Variants in AGBL4 observed in about 807,000 individuals in gnomAD.
AGBL4 encodes cytosolic carboxypeptidase 6.
AGBL4 carries 58 observed loss-of-function variants against 66.4 expected under a neutral mutation model. The observed-to-expected ratio is 0.87, with a 90% CI of 0.71 to 1.09. The LOEUF (loss-of-function observed/expected upper bound fraction) is 1.09. Among genes scored for constraint, AGBL4 ranks in the 50% least tolerant of loss-of-function variants. The pLI is 0.00. For synonymous variants in AGBL4, 234 were observed against 222.9 expected (o/e 1.05, Z -0.44); for missense variants, 579 against 631.0 (o/e 0.92, Z 0.88).
chr1:49,384,871 A>G (rs1644703575), intron 3 of AGBL4, among the ~76,000 whole-genome samples: 1 of 152,194 alleles, frequency 6.6e-6, no homozygotes, highest in Admixed American at 6.5e-5. Context: ...TCCAAAAATA[A>G]TTGAAAGAAG....
At chr1:48,526,953 G>A in the AGBL4 span, among the ~76,000 whole-genome samples, 2 of 152,120 alleles carry the variant, frequency 1.3e-5, no homozygotes, top group Admixed American at 6.5e-5. Flanking sequence ...CTGACTCTAA[G>A]TCTAAAGCAC....
At chr1:49,026,506 A>G (rs964705768) in intron 5 of AGBL4, among the ~76,000 whole-genome samples, 1 of 152,186 alleles carries the variant, frequency 6.6e-6, no homozygotes, top group African/African-American at 2.4e-5. Context: ...AATCAAGGAT[A>G]ATTTTTAGAG....
rs146681387 is a variant in AGBL4 at position 49,315,749 on chromosome 1, A to C, written c.283-69885T>G. Among the ~76,000 whole-genome samples the C allele has an allele frequency of 6.6e-5, 10 of 152,194 alleles. No individual in the cohort carries two copies. The East Asian group carries it at 1.9e-3, about 29-fold the overall frequency. ...TACTCCTACCTATGATCTAGCAGCC[A>C]TGATCCTTGGTATTTACCCAAATGA... On this transcript the variant is annotated intron_variant, in intron 3 of 13. Transcript: ENST00000371839.
chr1:49,306,953 T>C (rs1377975256), intron 3 of AGBL4, among the ~76,000 whole-genome samples: 1 of 152,196 alleles, frequency 6.6e-6, no homozygotes, highest in African/African-American at 2.4e-5. Flanking sequence ...TTAGATCACT[T>C]GCACTAGGGC....
intron 1 of AGBL4, among the ~76,000 whole-genome samples, chr1:49,935,328 G>A (rs908048038): frequency 6.6e-5 from 10 of 152,346 alleles, no homozygotes; most frequent in Admixed American, 2.0e-4. Context: ...CAAAGCAGCC[G>A]GGAAGCTCGA....
chr1:49,012,136 A>G (rs1330408806), intron 5 of AGBL4, among the ~76,000 whole-genome samples: 2 of 152,130 alleles, frequency 1.3e-5, no homozygotes, highest in South Asian at 2.1e-4. Context: ...GGCAGATTAC[A>G]GGGAAGCCTG....
At chr1:48,591,944 T>C (rs912325559) in intron 9 of AGBL4, among the ~76,000 whole-genome samples, 1 of 152,198 alleles carries the variant, frequency 6.6e-6, no homozygotes, top group African/African-American at 2.4e-5. Flanking sequence ...GCAGAATGAT[T>C]GAAGAAACAA....
chr1:49,453,743 A>G (rs1167097556), intron 3 of AGBL4, among the ~76,000 whole-genome samples: 1 of 151,816 alleles, frequency 6.6e-6, no homozygotes, highest in East Asian at 1.9e-4. Context: ...TTTTACATAG[A>G]ATCAGAGAGG....
chr1:49,079,875 C>T (rs561452362), intron 4 of AGBL4, among the ~76,000 whole-genome samples: 1 of 152,322 alleles, frequency 6.6e-6, no homozygotes, highest in East Asian at 1.9e-4. Flanking sequence ...GTCACTGACA[C>T]ATTTGCCAAA....
chr1:49,593,502 T>TA (rs1644794288), intron 3 of AGBL4, among the ~76,000 whole-genome samples: 1 of 152,168 alleles, frequency 6.6e-6, no homozygotes, highest in Admixed American at 6.5e-5. Flanking sequence ...TTCAATAAAT[T>TA]GTAGCACATT....
chr1:49,015,265 T>A (rs765220130), intron 5 of AGBL4, among the ~76,000 whole-genome samples: 11 of 151,996 alleles, frequency 7.2e-5, no homozygotes, highest in Non-Finnish European at 1.5e-4. Flanking sequence ...TTTCCCCTCA[T>A]CTTTCCGCTA....
At chr1:49,505,723 G>T (rs1294041137) in intron 3 of AGBL4, among the ~76,000 whole-genome samples, 1 of 151,872 alleles carries the variant, frequency 6.6e-6, no homozygotes, top group African/African-American at 2.4e-5. Context: ...TGTTTGGATT[G>T]AGTCTGCTTG....
chr1:49,034,690 G>A (rs768767340), intron 5 of AGBL4, among the ~76,000 whole-genome samples: 1 of 152,024 alleles, frequency 6.6e-6, no homozygotes, highest in African/African-American at 2.4e-5. Flanking sequence ...AGGTGTGATG[G>A]TTTTATAAGG....
rs1646329047 is a variant in AGBL4, at chr1:49,664,686, T to C, written c.282+32627A>G. Among the ~76,000 whole-genome samples, 3 of 152,118 alleles carry C rather than the reference T, an allele frequency of 2.0e-5. No individual in the cohort carries two copies. The South Asian group carries it at 6.2e-4, about 31-fold the overall frequency. Reference sequence around the variant, plus strand: ...CAAATTTCTTTCTGAGATTGGTATCTTTGGCTCATATTCAGTGTATCCCAC... The same window carrying C: ...CAAATTTCTTTCTGAGATTGGTATCCTTGGCTCATATTCAGTGTATCCCAC... On this transcript the variant is annotated intron_variant, in intron 3 of 13. Transcript: ENST00000371839.
At chr1:49,263,413 A>T (rs557264817) in intron 3 of AGBL4, among the ~76,000 whole-genome samples, 31 of 152,298 alleles carry the variant, frequency 2.0e-4, no homozygotes, top group Admixed American at 5.9e-4. Context: ...ATGCAAATTT[A>T]TAAAGAACTA....
intron 3 of AGBL4, among the ~76,000 whole-genome samples, chr1:49,473,325 T>G (rs1646783979): frequency 6.6e-6 from 1 of 152,114 alleles, no homozygotes; most frequent in East Asian, 1.9e-4. Flanking sequence ...GACTTTTTAA[T>G]AATAGCCATT....
At chr1:48,676,075 A>C (rs930577253) in intron 6 of AGBL4, among the ~76,000 whole-genome samples, 2 of 152,230 alleles carry the variant, frequency 1.3e-5, no homozygotes, top group Admixed American at 6.5e-5. Context: ...CCTGGGGTAC[A>C]TGGAAGTAGA....
At chr1:49,729,510 C>G (rs1353272808) in intron 2 of AGBL4, among the ~76,000 whole-genome samples, 3 of 151,938 alleles carry the variant, frequency 2.0e-5, no homozygotes, top group Non-Finnish European at 4.4e-5. Context: ...AGCATAAAAT[C>G]AAGGAGGCAA....
chr1:48,835,882 C>T (rs548518327), intron 6 of AGBL4, among the ~76,000 whole-genome samples: 2 of 152,024 alleles, frequency 1.3e-5, no homozygotes, highest in Non-Finnish European at 2.9e-5. Flanking sequence ...TTGGAAGAAG[C>T]CAGTATGGAA....
Sources: allele counts gnomAD v4.1 joint callset (sites outside exome capture counted in the v4.1 genomes callset), GRCh38; gene constraint gnomAD v4.1.1; transcripts MANE v1.5; gene names NCBI Gene and HGNC (gene_info 2026-07-23, HGNC 2026-07-21).